NT5DC3: variants seen among roughly 807,000 people sequenced by gnomAD.
The protein encoded by NT5DC3 is 5'-nucleotidase domain containing 3, also known as 5'-nucleotidase domain-containing protein 3.
Under a neutral mutation model 67.8 loss-of-function variants are expected in NT5DC3, and 42 were observed. That is an observed-to-expected ratio of 0.62 (90% confidence interval 0.48 to 0.80). NT5DC3 has a LOEUF of 0.80. Ranked by LOEUF, NT5DC3 falls within the 30% of genes least tolerant of loss-of-function variation. The pLI is 0.00. For missense variants in NT5DC3, 570 were observed against 696.4 expected (o/e 0.82, Z 2.04); for synonymous variants, 237 against 255.6 (o/e 0.93, Z 0.69).
At chr12:103,755,541 C>T in the NT5DC3 span, 16 of 1,609,204 alleles carry the variant, frequency 9.9e-6, no homozygotes, top group East Asian at 3.3e-4. Context: ...CCAGTCACTC[C>T]CCAAGCAGAA....
intron 2 of NT5DC3, among the ~76,000 whole-genome samples, chr12:103,811,615 T>G (rs1887035945): frequency 6.6e-6 from 1 of 152,182 alleles, no homozygotes; most frequent in Non-Finnish European, 1.5e-5. Flanking sequence ...ACATGACAAC[T>G]AACTGCAATG....
chr12:103,754,945 C>CAAA, the NT5DC3 span: 215 of 159,286 alleles, frequency 1.3e-3, no homozygotes, highest in East Asian at 9.5e-3. Context: ...GACTCCACCT[C>CAAA]AAAAAAAAAA....
chr12:103,765,086 CAAAA>C, the NT5DC3 span, among the ~76,000 whole-genome samples: 4,765 of 66,108 alleles, frequency 0.072, 74 homozygotes, highest in African/African-American at 0.096. Context: ...GACTCTGTCT[CAAAA>C]AAAAAAAAAA....
At chr12:103,799,689 C>A (rs928728452) in intron 4 of NT5DC3, among the ~76,000 whole-genome samples, 1 of 151,952 alleles carries the variant, frequency 6.6e-6, no homozygotes, top group Non-Finnish European at 1.5e-5. Context: ...CCCTGTGGCA[C>A]CACCACCTTG....
chr12:103,769,090 T>C (rs1036122844), downstream of NT5DC3, among the ~76,000 whole-genome samples: 22 of 152,092 alleles, frequency 1.4e-4, no homozygotes, highest in African/African-American at 5.1e-4. Flanking sequence ...GTGAGGAACT[T>C]TCTTTCCTAG....
At position 103,777,920 on chromosome 12, in the gene NT5DC3, C is replaced by T. The variant is rs145856854; in HGVS notation, c.1556G>A (p.Arg519Gln). 27 of 1,614,132 alleles carry T rather than the reference C, an allele frequency of 1.7e-5. 1 individual carries two copies. Among genetic ancestry groups the T allele is most frequent in the East Asian group, 1.1e-4 (5 of 44,868 alleles). Reference protein sequence around the residue: ...NYDVSHTFYPRRTPLQHELPA... With the variant: ...NYDVSHTFYPQRTPLQHELPA... ...CAGTTCGTGCTGCAGTGGAGTCCTC[C>T]GGGGGTAGAAAGTGTGGCTGACGTC... The change falls in exon 14 of 14, where the codon CGG becomes CAG. Residue 519 changes from arginine (R) to glutamine (Q), a missense_variant. By Grantham distance (43) the Arg-to-Gln change is conservative (BLOSUM62 1). This residue lies in a region of NT5DC3 where 466 missense variants were observed against 608.0 expected (regional missense o/e 0.77). Coordinates refer to ENST00000392876, the MANE Select transcript of NT5DC3 (RefSeq NM_001031701.3).
chr12:103,767,407 G>T (rs1204427915), downstream of NT5DC3, among the ~76,000 whole-genome samples: 1 of 152,164 alleles, frequency 6.6e-6, no homozygotes, highest in Non-Finnish European at 1.5e-5. Flanking sequence ...ATTGCCAGGG[G>T]AATGAGGAGT....
At chr12:103,779,991 C>T (rs1885482337) in intron 13 of NT5DC3, among the ~76,000 whole-genome samples, 1 of 152,140 alleles carries the variant, frequency 6.6e-6, no homozygotes, top group South Asian at 2.1e-4. Context: ...ACAACTGGCC[C>T]ACCAGCTGCC....
chr12:103,762,018 G>A, the NT5DC3 span, among the ~76,000 whole-genome samples: 3 of 152,108 alleles, frequency 2.0e-5, no homozygotes, highest in Admixed American at 6.5e-5. Context: ...GTGTGATATC[G>A]GGCAAGTGCT....
chr12:103,779,081 G>A (rs1184251946), intron 13 of NT5DC3, among the ~76,000 whole-genome samples: 4 of 152,170 alleles, frequency 2.6e-5, no homozygotes, highest in Non-Finnish European at 4.4e-5. Context: ...AGTAAGGTAA[G>A]CAAAATAAAA....
intron 13 of NT5DC3, 97 bp downstream of exon 13, chr12:103,780,203 A>C: frequency 3.0e-6 from 3 of 1,014,276 alleles, no homozygotes; most frequent in Non-Finnish European, 4.7e-6. Flanking sequence ...AGGATGTTTC[A>C]ACATTATGCC....
rs566103391 is a variant in NT5DC3 at position 103,829,144 on chromosome 12, A to G, written c.208+11805T>C. Among the ~76,000 whole-genome samples the G allele has an allele frequency of 4.5e-4, 69 of 152,338 alleles. No homozygotes were observed. The Middle Eastern group carries it at 0.014, about 30-fold the overall frequency. On this transcript the variant is annotated intron_variant, in intron 1 of 13. Coordinates refer to ENST00000392876, the MANE Select transcript of NT5DC3 (RefSeq NM_001031701.3). ...CTTTTTACTCAAAATTATTCTAGTG[A>G]GAGTCACCCATGTAGGTATATTTCT...
intron 6 of NT5DC3, among the ~76,000 whole-genome samples, chr12:103,794,669 T>G (rs1886232758): frequency 6.6e-6 from 1 of 152,258 alleles, no homozygotes; most frequent in African/African-American, 2.4e-5. Context: ...TCTTTTATCT[T>G]TGTGCCCTTT....
intron 4 of NT5DC3, among the ~76,000 whole-genome samples, chr12:103,800,952 G>T (rs1000743528): frequency 6.6e-6 from 1 of 152,150 alleles, no homozygotes; most frequent in African/African-American, 2.4e-5. Context: ...ACCACGTATA[G>T]AACAGTTGGT....
At chr12:103,798,776 G>T in intron 4 of NT5DC3, 99 bp from the exon 5 acceptor site, 1 of 827,658 alleles carries the variant, frequency 1.2e-6, no homozygotes. Context: ...GAGGTGCAAG[G>T]CACTGTCATC....
At chr12:103,771,360 A>T (rs1225755707), downstream of NT5DC3, 1 of 152,212 alleles carries the variant, frequency 6.6e-6, no homozygotes, top group Non-Finnish European at 1.5e-5. Context: ...AAATTATGTC[A>T]CAAAAATTTT....
At position 103,806,180 on chromosome 12, in the gene NT5DC3, ACAAATG is replaced by A. The variant is rs1886792187; in HGVS notation, c.524+136_524+141del. 20 of 656,268 alleles carry A rather than the reference ACAAATG, an allele frequency of 3.0e-5. No individual in the cohort carries two copies. The South Asian group carries it at 3.4e-4, about 11-fold the overall frequency. The allele number at this position is 656,268 out of a possible 1,614,324, so 40.7% of individuals were successfully genotyped here. A position where few individuals can be genotyped will look rare whatever the true frequency, so the allele number is the denominator to read the frequency against. ...GCACCTGGCATGGTAGCAGGCCTCA[ACAAATG>A]CTCTTGAGTAAGTGAGTGAATGAAT... On this transcript the variant is annotated intron_variant, in intron 4 of 13. Coordinates refer to ENST00000392876, the MANE Select transcript of NT5DC3 (RefSeq NM_001031701.3).
chr12:103,777,977 T>C lies in NT5DC3; in HGVS notation c.1499A>G (p.Tyr500Cys). 6.2e-7 allele frequency: 1 copy of C among 1,614,206 alleles called. No homozygotes were observed. Among genetic ancestry groups the C allele is most frequent in the Non-Finnish European group, 8.5e-7 (1 of 1,180,040 alleles). Reference sequence around the variant, plus strand: ...CAGGAGGCAGCTCAGAGACGCCATGTAGATGTCAGCGAAGCGCGACAGGCG... The same window carrying C: ...CAGGAGGCAGCTCAGAGACGCCATGCAGATGTCAGCGAAGCGCGACAGGCG... The part of the protein sequence containing the change: ...LRRLSRFADI[Y>C]MASLSCLLNY... The change falls in exon 14 of 14, where the codon TAC (tyrosine) becomes TGC (cysteine). Residue 500 changes from tyrosine (Y) to cysteine (C), a missense_variant. Physicochemically the swap from Tyr to Cys is radical, Grantham distance 194. Coordinates refer to ENST00000392876, the MANE Select transcript of NT5DC3 (RefSeq NM_001031701.3).
chr12:103,759,761 A>G, the NT5DC3 span, among the ~76,000 whole-genome samples: 3 of 152,102 alleles, frequency 2.0e-5, no homozygotes, highest in Non-Finnish European at 4.4e-5. Flanking sequence ...GGGAAAACTT[A>G]TTCTACCCTC....
Sources: allele counts gnomAD v4.1 joint callset (sites outside exome capture counted in the v4.1 genomes callset), GRCh38; gene constraint gnomAD v4.1.1; regional missense constraint gnomAD v4.1.1; transcripts MANE v1.5; gene names NCBI Gene and HGNC (gene_info 2026-07-23, HGNC 2026-07-21).